APBB2: variants seen among roughly 807,000 people sequenced by gnomAD.
APBB2 encodes Fe65-like 1.
APBB2 carries 38 observed loss-of-function variants against 82.5 expected under a neutral mutation model. That is an observed-to-expected ratio of 0.46 (90% confidence interval 0.36 to 0.60). The LOEUF (loss-of-function observed/expected upper bound fraction) is 0.60, where lower values mean the gene tolerates loss of function less well. APBB2 is among the 20% of genes least tolerant of loss of function. APBB2 has a pLI of 0.00. For missense variants in APBB2, 772 were observed against 972.3 expected, an observed-to-expected ratio of 0.79 and a Z score of 2.74; for synonymous variants, 341 against 368.2, an observed-to-expected ratio of 0.93 and a Z score of 0.85.
chr4:40,849,725 C>CTTCT (rs1758708950), intron 12 of APBB2, among the ~76,000 whole-genome samples: 1 of 123,252 alleles, frequency 8.1e-6, no homozygotes, highest in Non-Finnish European at 1.7e-5. Context: ...ACTAAAGTTA[C>CTTCT]TTTTTTTTTT....
At chr4:41,181,655 G>GACT (rs1293897524) in intron 1 of APBB2, among the ~76,000 whole-genome samples, 1 of 152,072 alleles carries the variant, frequency 6.6e-6, no homozygotes, top group Non-Finnish European at 1.5e-5. Context: ...GCTCGAAAGG[G>GACT]ACTAGCATGG....
chr4:41,049,320 G>T (rs567035550), intron 4 of APBB2, among the ~76,000 whole-genome samples: 3 of 107,696 alleles, frequency 2.8e-5, no homozygotes, highest in Non-Finnish European at 5.8e-5. Context: ...CAGCCGCCCC[G>T]TCGGAGAAGT....
intron 3 of APBB2, among the ~76,000 whole-genome samples, chr4:41,093,581 C>T (rs780797677): frequency 2.0e-5 from 3 of 152,062 alleles, no homozygotes; most frequent in East Asian, 1.9e-4. Context: ...GGGCCGGGCG[C>T]GGTGGCTCAT....
Position 41,086,391 on chromosome 4 carries a change from T to C in APBB2, c.-149+14248A>G, listed in dbSNP as rs1423698606. ...GAAAACTACAAGCCATTATTTCTTATGAAAATTGATGCAAAAATCATTAGC... is the reference window on the plus strand; with the variant it reads ...GAAAACTACAAGCCATTATTTCTTACGAAAATTGATGCAAAAATCATTAGC... On this transcript the variant is annotated intron_variant, in intron 3 of 17. Transcript: ENST00000508593. 2.0e-5 allele frequency among the ~76,000 whole-genome samples: 3 copies of C among 152,190 alleles called. No homozygotes were observed. The East Asian group carries it at 5.8e-4, about 29-fold the overall frequency.
At chr4:40,908,055 G>GGT (rs1362448597) in intron 10 of APBB2, among the ~76,000 whole-genome samples, 2 of 151,246 alleles carry the variant, frequency 1.3e-5, no homozygotes, top group African/African-American at 2.4e-5. Context: ...GGGTGTGTGT[G>GGT]GTGTGTGTGT....
intron 5 of APBB2, among the ~76,000 whole-genome samples, chr4:41,020,768 A>C (rs1423863516): frequency 6.6e-6 from 1 of 152,246 alleles, no homozygotes; most frequent in Non-Finnish European, 1.5e-5. Context: ...GAAATAATGA[A>C]ACCTATCCTT....
At chr4:40,951,685 G>A (rs1790217589) in intron 6 of APBB2, among the ~76,000 whole-genome samples, 1 of 152,236 alleles carries the variant, frequency 6.6e-6, no homozygotes, top group African/African-American at 2.4e-5. Flanking sequence ...ACTGGGTAGT[G>A]TATAAAACAC....
At chr4:41,079,549 ATTTTTTT>A (rs36207850) in intron 3 of APBB2, among the ~76,000 whole-genome samples, 30,347 of 145,060 alleles carry the variant, frequency 0.21, 3,148 homozygotes, top group African/African-American at 0.27. Context: ...AGGCTCATCA[ATTTTTTT>A]TTTTTTTTTT....
At chr4:41,000,105 G>GTGTGTGTGTGTGTGTGTA (rs10694468) in intron 6 of APBB2, among the ~76,000 whole-genome samples, 1,960 of 134,918 alleles carry the variant, frequency 0.015, 65 homozygotes, top group East Asian at 0.018. Flanking sequence ...GTGTGTGTGT[G>GTGTGTGTGTGTGTGTGTA]TATAAATTAG....
rs974575848 is a variant in APBB2 at position 41,079,350 on chromosome 4, A to C, written c.-148-13677T>G. ...TGCTTCTATCCAAGAACCCTGATTG[A>C]TACATTGCTCCAGGATACACAGGTA... On this transcript the variant is annotated intron_variant, in intron 3 of 17. Coordinates refer to ENST00000508593, the MANE Select transcript of APBB2 (RefSeq NM_004307.2). Among the ~76,000 whole-genome samples the C allele has an allele frequency of 2.6e-5, 4 of 152,188 alleles. No individual in the cohort carries two copies. In the South Asian group the frequency reaches 8.3e-4, roughly 32 times the overall value.
rs183546319 is a variant in APBB2 at position 41,166,846 on chromosome 4, G to A, written c.-416-23704C>T. On this transcript the variant is annotated intron_variant, in intron 1 of 17. Transcript: ENST00000508593. The stretch of plus-strand genomic sequence containing the variant: ...CAGGAGGCAGACGTTGCAGTGAGCC[G>A]TGACCACACCACTGCACTCCAGCCT... Among the ~76,000 whole-genome samples the A allele has an allele frequency of 1.6e-4, 24 of 151,596 alleles. No individual in the cohort carries two copies. The South Asian group carries it at 1.7e-3, about 11-fold the overall frequency.
At chr4:40,881,536 T>TTC (rs1209930805) in intron 12 of APBB2, 5 of 211,476 alleles carry the variant, frequency 2.4e-5, no homozygotes, top group Non-Finnish European at 3.8e-5. Context: ...TTCTTTTTCT[T>TTC]TTTTTTTTTT....
At chr4:40,905,878 A>AGT (rs1418046709) in intron 10 of APBB2, among the ~76,000 whole-genome samples, 1 of 152,150 alleles carries the variant, frequency 6.6e-6, no homozygotes, top group Non-Finnish European at 1.5e-5. Context: ...GGTCCAGAAC[A>AGT]GCAGCCTAGA....
intron 5 of APBB2, among the ~76,000 whole-genome samples, chr4:41,024,106 G>A (rs1309441795): frequency 6.6e-6 from 1 of 152,156 alleles, no homozygotes; most frequent in Non-Finnish European, 1.5e-5. Flanking sequence ...TCAATAAATG[G>A]TGCTGAAATA....
intron 2 of APBB2, among the ~76,000 whole-genome samples, chr4:41,138,847 A>G (rs1018444559): frequency 3.9e-5 from 6 of 152,194 alleles, no homozygotes; most frequent in African/African-American, 7.2e-5. Context: ...AAAGTCATAC[A>G]CATAAAAAAC....
intron 1 of APBB2, among the ~76,000 whole-genome samples, chr4:41,149,757 G>A (rs954402982): frequency 2.6e-5 from 4 of 152,054 alleles, no homozygotes; most frequent in Non-Finnish European, 4.4e-5. Flanking sequence ...CCCAGTGGGC[G>A]GTAACTGAAT....
Position 40,855,339 on chromosome 4 carries a change from A to G in APBB2, c.1530-24762T>C, listed in dbSNP as rs763624935. On this transcript the variant is annotated intron_variant, in intron 12 of 17. Coordinates refer to ENST00000508593, the MANE Select transcript of APBB2 (RefSeq NM_004307.2). ...ATGCCCAGCACATGGCAAGTGTCCA[A>G]TAAATACTTATTAAATAAATTATCC... Among the ~76,000 whole-genome samples the G allele has an allele frequency of 2.6e-5, 4 of 152,260 alleles. No homozygotes were observed. In the East Asian group the frequency reaches 5.8e-4, roughly 22 times the overall value.
intron 3 of APBB2, among the ~76,000 whole-genome samples, chr4:41,067,696 G>A (rs1021367388): frequency 1.3e-5 from 2 of 152,168 alleles, no homozygotes; most frequent in African/African-American, 4.8e-5. Context: ...GAATGGTAGA[G>A]AGGTACCACG....
At chr4:41,141,680 T>A (rs763011300) in intron 2 of APBB2, among the ~76,000 whole-genome samples, 1 of 152,186 alleles carries the variant, frequency 6.6e-6, no homozygotes, top group Non-Finnish European at 1.5e-5. Flanking sequence ...GGACTTAAGT[T>A]CCATGTGGCT....
Sources: gnomAD v4.1 joint callset for allele counts (sites outside exome capture counted in the v4.1 genomes callset) on GRCh38, gnomAD v4.1.1 for gene constraint, MANE v1.5 for transcripts, NCBI Gene and HGNC (gene_info 2026-07-23, HGNC 2026-07-21) for gene names.